The following RNF216 variants were observed in gnomAD, a reference collection of about 807,000 sequenced individuals.
RNF216 encodes the protein ring finger protein 216.
In RNF216, 72 loss-of-function variants were observed where a neutral mutation model predicts 110.8. The observed-to-expected ratio is 0.65, with a 90% confidence interval of 0.54 to 0.79. RNF216 has a LOEUF of 0.79. RNF216 is among the 30% of genes least tolerant of loss of function. RNF216 has a pLI of 0.00. For missense variants in RNF216, 1,342 were observed against 1,141.2 expected (o/e 1.18, Z -2.54); for synonymous variants, 495 against 407.5 (o/e 1.21, Z -2.59).
At chr7:5,706,596 A>AC (rs1792305365) in intron 13 of RNF216, among the ~76,000 whole-genome samples, 1 of 152,204 alleles carries the variant, frequency 6.6e-6, no homozygotes, top group Middle Eastern at 3.2e-3. Context: ...TAATATACCA[A>AC]ATTTTAACCA....
Position 5,620,531 on chromosome 7 carries a change from T to G in RNF216, c.*2329A>C, listed in dbSNP as rs1245717502. ...GAGGGGCCTGGAGAACCAGGGTGGG[T>G]GCTCACGGCAGCCCTGTGGTCCCCC... On this transcript the variant is annotated 3_prime_UTR_variant, in exon 17 of 17. Transcript: ENST00000389902. 3 of 152,154 alleles carry G rather than the reference T, an allele frequency of 2.0e-5. No homozygotes were observed. The highest frequency in any genetic ancestry group is 7.2e-5 in the African/African-American group (3 of 41,408). The allele number at this position is 152,154 out of a possible 1,614,324, so 9.4% of individuals were successfully genotyped here.
At chr7:5,725,009 G>A (rs927279481) in intron 8 of RNF216, among the ~76,000 whole-genome samples, 8 of 152,074 alleles carry the variant, frequency 5.3e-5, no homozygotes, top group East Asian at 1.9e-4. Flanking sequence ...CAGCCAATTC[G>A]CATCAAACCT....
intron 1 of RNF216, among the ~76,000 whole-genome samples, chr7:5,774,062 A>T (rs868556894): frequency 5.3e-5 from 8 of 152,248 alleles, no homozygotes; most frequent in Admixed American, 3.3e-4. Context: ...TGAGAAGAAA[A>T]GAATTCTGAT....
At position 5,739,370 on chromosome 7, in the gene RNF216, C is replaced by A. The variant is rs1360381397; in HGVS notation, c.1045-18G>T. 2 of 1,584,416 alleles carry A rather than the reference C, an allele frequency of 1.3e-6. No individual in the cohort carries two copies. The highest frequency in any genetic ancestry group is 1.7e-4 in the Middle Eastern group (1 of 5,898). The stretch of plus-strand genomic sequence containing the variant: ...CTTGCTTCCTAGAAACAAATAAGAA[C>A]ATAATTTATATTTCATTCACTAGAA... On this transcript the variant is annotated intron_variant, in intron 4 of 16. Coordinates refer to ENST00000389902, the MANE Select transcript of RNF216 (RefSeq NM_207111.4).
intron 1 of RNF216, among the ~76,000 whole-genome samples, chr7:5,762,129 T>C (rs182095908): frequency 3.9e-5 from 6 of 152,302 alleles, no homozygotes; most frequent in Non-Finnish European, 8.8e-5. Context: ...ATTCATATGA[T>C]ACAACACAGT....
At chr7:5,662,904 C>T (rs750257076) in intron 13 of RNF216, among the ~76,000 whole-genome samples, 5 of 151,976 alleles carry the variant, frequency 3.3e-5, no homozygotes, top group African/African-American at 9.7e-5. Flanking sequence ...GTTCCAGGTA[C>T]AGGGAATGCA....
At chr7:5,714,918 G>C in intron 11 of RNF216, 135 bp downstream of exon 11, 2 of 687,484 alleles carry the variant, frequency 2.9e-6, no homozygotes, top group Non-Finnish European at 4.6e-6. Flanking sequence ...ACATACATCA[G>C]GTAATGTACA....
chr7:5,687,940 G>A (rs563169338), intron 13 of RNF216, among the ~76,000 whole-genome samples: 18 of 152,246 alleles, frequency 1.2e-4, no homozygotes, highest in African/African-American at 4.1e-4. Flanking sequence ...CCAGAATCCC[G>A]GACTGTCATG....
intron 15 of RNF216, among the ~76,000 whole-genome samples, chr7:5,628,712 G>C (rs1786874061): frequency 6.6e-6 from 1 of 151,132 alleles, no homozygotes. Context: ...GTAGAAATGG[G>C]GTTTCACCAT....
intron 3 of RNF216, among the ~76,000 whole-genome samples, chr7:5,750,956 G>T (rs980497048): frequency 2.6e-5 from 4 of 152,162 alleles, no homozygotes; most frequent in African/African-American, 9.7e-5. Context: ...ATAAAACACA[G>T]CAAGTATTGC....
intron 1 of RNF216, among the ~76,000 whole-genome samples, chr7:5,764,602 T>C (rs1467805042): frequency 6.6e-6 from 1 of 151,552 alleles, no homozygotes; most frequent in African/African-American, 2.4e-5. Flanking sequence ...AGGCCAAGAT[T>C]GTGCCACTAC....
intron 13 of RNF216, among the ~76,000 whole-genome samples, chr7:5,687,461 G>T: frequency 6.6e-6 from 1 of 151,686 alleles, no homozygotes; most frequent in Non-Finnish European, 1.5e-5. Context: ...GACATGATGT[G>T]GGATTTTCAG....
chr7:5,776,563 C>A (rs1347123434), intron 1 of RNF216, among the ~76,000 whole-genome samples: 1 of 131,152 alleles, frequency 7.6e-6, no homozygotes, highest in African/African-American at 2.9e-5. Context: ...CCACTGCACT[C>A]TAGCCTGGGC....
chr7:5,704,397 C>T (rs1452558985), intron 13 of RNF216, among the ~76,000 whole-genome samples: 1 of 152,130 alleles, frequency 6.6e-6, no homozygotes, highest in Admixed American at 6.5e-5. Flanking sequence ...CAGGAATCCT[C>T]AAGGATTAGC....
intron 14 of RNF216, among the ~76,000 whole-genome samples, chr7:5,648,636 G>C (rs917286476): frequency 6.6e-6 from 1 of 151,254 alleles, no homozygotes; most frequent in African/African-American, 2.4e-5. Context: ...GCTGAGGCAG[G>C]AGAACGGTGT....
intron 9 of RNF216, among the ~76,000 whole-genome samples, chr7:5,720,499 A>G (rs1793350932): frequency 6.6e-6 from 1 of 152,166 alleles, no homozygotes; most frequent in Non-Finnish European, 1.5e-5. Flanking sequence ...TTCACAGTGA[A>G]GTTTTGGGGC....
intron 1 of RNF216, chr7:5,775,026 G>A (rs539917200): frequency 2.0e-5 from 3 of 152,128 alleles, no homozygotes; most frequent in Non-Finnish European, 2.9e-5. Context: ...GATTACAGTC[G>A]TAAGTCACTG....
At chr7:5,671,176 C>T (rs762668188) in intron 13 of RNF216, among the ~76,000 whole-genome samples, 7 of 152,202 alleles carry the variant, frequency 4.6e-5, no homozygotes, top group Non-Finnish European at 8.8e-5. Context: ...AGCAACTGCT[C>T]CATGTGCCCA....
chr7:5,704,388 A>G (rs927610606), intron 13 of RNF216, among the ~76,000 whole-genome samples: 2 of 152,218 alleles, frequency 1.3e-5, no homozygotes, highest in African/African-American at 4.8e-5. Context: ...CTTAAATATC[A>G]GGAATCCTCA....
Sources: allele counts gnomAD v4.1 joint callset (sites outside exome capture counted in the v4.1 genomes callset), GRCh38; gene constraint gnomAD v4.1.1; transcripts MANE v1.5; gene names NCBI Gene and HGNC (gene_info 2026-07-23, HGNC 2026-07-21).